PTBP3: variants seen among roughly 807,000 people sequenced by gnomAD.
The protein encoded by PTBP3 is polypyrimidine tract binding protein 3.
In PTBP3, 20 loss-of-function variants were observed where a neutral mutation model predicts 58.7. The ratio of observed to expected loss-of-function variants is 0.34; its 90% CI spans 0.24 to 0.50. The LOEUF (loss-of-function observed/expected upper bound fraction) is 0.50. Ranked by LOEUF, PTBP3 falls within the 20% of genes least tolerant of loss-of-function variation. PTBP3 has a pLI of 0.98. For synonymous variants in PTBP3, 185 were observed against 219.8 expected (o/e 0.84, Z 1.40); for missense variants, 509 against 637.2 (o/e 0.80, Z 2.17).
At chr9:112,244,272 A>T (rs1187681417) in intron 7 of PTBP3, among the ~76,000 whole-genome samples, 1 of 112,860 alleles carries the variant, frequency 8.9e-6, no homozygotes, top group Non-Finnish European at 1.8e-5. Flanking sequence ...CCTGGGCAAC[A>T]GAGTGAGACT....
chr9:112,253,929 T>C (rs1836240730), intron 5 of PTBP3, among the ~76,000 whole-genome samples: 1 of 152,140 alleles, frequency 6.6e-6, no homozygotes. Context: ...AGTGTGAAAA[T>C]GAACTAATAT....
chr9:112,367,795 G>A, the PTBP3 span, among the ~76,000 whole-genome samples: 1 of 151,474 alleles, frequency 6.6e-6, no homozygotes, highest in African/African-American at 2.4e-5. Context: ...AATCTATTTG[G>A]GATTCTTTGG....
intron 7 of PTBP3, among the ~76,000 whole-genome samples, chr9:112,249,817 C>T (rs1430440791): frequency 9.0e-6 from 1 of 111,696 alleles, no homozygotes; most frequent in Non-Finnish European, 1.7e-5. Context: ...TTTAATTTGC[C>T]CCAGTATTTT....
At chr9:112,271,165 A>G (rs1374131858) in intron 3 of PTBP3, among the ~76,000 whole-genome samples, 1 of 152,206 alleles carries the variant, frequency 6.6e-6, no homozygotes, top group Non-Finnish European at 1.5e-5. Flanking sequence ...TCATTAAAAC[A>G]TAGACATGCA....
At chr9:112,287,337 T>TTG (rs1554798724) in intron 2 of PTBP3, among the ~76,000 whole-genome samples, 4 of 134,866 alleles carry the variant, frequency 3.0e-5, no homozygotes, top group African/African-American at 8.1e-5. Context: ...TTTTTCAGTT[T>TTG]TTTGTTTTTT....
chr9:112,319,481 C>T (rs537409193), intron 1 of PTBP3, among the ~76,000 whole-genome samples: 1 of 152,116 alleles, frequency 6.6e-6, no homozygotes, highest in African/African-American at 2.4e-5. Flanking sequence ...CATCAAGACA[C>T]TACAAATTAA....
At chr9:112,321,573 A>C (rs1160918153) in intron 1 of PTBP3, among the ~76,000 whole-genome samples, 1 of 151,956 alleles carries the variant, frequency 6.6e-6, no homozygotes, top group East Asian at 1.9e-4. Flanking sequence ...ACAAACTAAA[A>C]TTCATCAGCT....
chr9:112,262,708 G>T, intron 4 of PTBP3, 109 bp from the exon 5 acceptor site: 2 of 984,574 alleles, frequency 2.0e-6, no homozygotes, highest in Non-Finnish European at 2.7e-6. Flanking sequence ...AGTAAAACAA[G>T]ATTTATCTAC....
chr9:112,335,485 C>G (rs1040008230), upstream of PTBP3, among the ~76,000 whole-genome samples: 3 of 151,600 alleles, frequency 2.0e-5, no homozygotes, highest in African/African-American at 7.3e-5. Flanking sequence ...AGGGTTTCAC[C>G]ATGTTGGTCA....
At chr9:112,271,388 T>TAG (rs1827379101) in intron 3 of PTBP3, among the ~76,000 whole-genome samples, 1 of 152,212 alleles carries the variant, frequency 6.6e-6, no homozygotes, top group African/African-American at 2.4e-5. Flanking sequence ...GTTTCAGATT[T>TAG]AGAGCACCTC....
chr9:112,255,207 G>A (rs765478576), intron 5 of PTBP3, among the ~76,000 whole-genome samples: 2 of 152,120 alleles, frequency 1.3e-5, no homozygotes, highest in Non-Finnish European at 2.9e-5. Context: ...GGGGCTAGGA[G>A]AGTAGATGAA....
chr9:112,274,203 T>A (rs1185701213), intron 3 of PTBP3, among the ~76,000 whole-genome samples: 1 of 152,250 alleles, frequency 6.6e-6, no homozygotes, highest in African/African-American at 2.4e-5. Flanking sequence ...TAACCTCATG[T>A]GAATTTAAGA....
chr9:112,231,976 GAA>G lies in PTBP3; in HGVS notation c.1020+121_1020+122del, dbSNP rs1564391461. The G allele has an allele frequency of 2.2e-3, 778 of 353,868 alleles. 3 individuals carry two copies. Among genetic ancestry groups the G allele is most frequent in the Admixed American group, 4.3e-3 (52 of 11,998 alleles). 21.9% of individuals were successfully genotyped at this position (353,868 alleles called of 1,614,324 possible). A position where few individuals can be genotyped will look rare whatever the true frequency, so the allele number is the denominator to read the frequency against. On this transcript the variant is annotated intron_variant, in intron 9 of 13. Transcript: ENST00000374257. Reference sequence around the variant, plus strand: ...AGAGAAGAGAAGAGAAGAGAGAAGAGAAGAGAAGAGAAGAGAAGAGAAGAGAA... The same window carrying G: ...AGAGAAGAGAAGAGAAGAGAGAAGAGGAGAAGAGAAGAGAAGAGAAGAGAA...
intron 6 of PTBP3, among the ~76,000 whole-genome samples, chr9:112,251,861 C>T (rs1240689653): frequency 6.6e-6 from 1 of 151,834 alleles, no homozygotes; most frequent in Non-Finnish European, 1.5e-5. Context: ...CGTAAAGGTA[C>T]AAAATAATAT....
the PTBP3 span, among the ~76,000 whole-genome samples, chr9:112,356,242 G>T: frequency 6.6e-6 from 1 of 152,216 alleles, no homozygotes; most frequent in African/African-American, 2.4e-5. Context: ...GCGTCCCAAA[G>T]TACTGAGATT....
chr9:112,330,148 C>T (rs1402537073), intron 1 of PTBP3, among the ~76,000 whole-genome samples: 1 of 152,102 alleles, frequency 6.6e-6, no homozygotes, highest in Non-Finnish European at 1.5e-5. Flanking sequence ...GCCACCGCAC[C>T]CGGCCTAAGC....
At chr9:112,332,809 T>C (rs756733867) in intron 1 of PTBP3, 5 of 1,612,524 alleles carry the variant, frequency 3.1e-6, no homozygotes, top group South Asian at 2.2e-5. Flanking sequence ...ATTAAGTTTC[T>C]TGGGGAGAGA....
Position 112,222,716 on chromosome 9 carries a change from A to G in PTBP3, c.*1135T>C. On this transcript the variant is annotated 3_prime_UTR_variant, in exon 14 of 14. Coordinates refer to ENST00000374257, the MANE Select transcript of PTBP3 (RefSeq NM_001163788.4). ...TACCAAAACAGAGAAAGAAAAAACAAAATGCTTACCAAGCCCACAATATAG... is the reference window on the plus strand; with the variant it reads ...TACCAAAACAGAGAAAGAAAAAACAGAATGCTTACCAAGCCCACAATATAG... 1.0e-6 allele frequency: 1 copy of G among 979,642 alleles called. No individual in the cohort carries two copies. The highest frequency in any genetic ancestry group is 4.7e-5 in the South Asian group (1 of 21,148). 60.7% of individuals were successfully genotyped at this position (979,642 alleles called of 1,614,324 possible). A position where few individuals can be genotyped will look rare whatever the true frequency, so the allele number is the denominator to read the frequency against.
intron 1 of PTBP3, 33 bp downstream of exon 1, chr9:112,333,437 C>G (rs772083212): frequency 8.3e-6 from 13 of 1,569,290 alleles, no homozygotes; most frequent in Non-Finnish European, 1.1e-5. Context: ...GCCAAGGCAA[C>G]CCGGTGCGGC....
Sources: allele counts gnomAD v4.1 joint callset (sites outside exome capture counted in the v4.1 genomes callset), GRCh38; gene constraint gnomAD v4.1.1; transcripts MANE v1.5; gene names NCBI Gene and HGNC (gene_info 2026-07-23, HGNC 2026-07-21).